ADK: variants seen among roughly 807,000 people sequenced by gnomAD.
ADK encodes the protein N6,N6-dimethyladenosine kinase.
Under a neutral mutation model 44.7 loss-of-function variants are expected in ADK, and 24 were observed. That is an observed-to-expected ratio of 0.54 (90% CI 0.39 to 0.76). The LOEUF is 0.76. Among genes scored for constraint, ADK ranks in the 30% least tolerant of loss-of-function variants. The probability of loss-of-function intolerance (pLI) is 0.00; values close to 1 mark genes in which losing one functional copy is unlikely to be tolerated. For synonymous variants in ADK, 128 were observed against 142.6 expected (o/e 0.90, Z 0.73); for missense variants, 321 against 425.1 (o/e 0.76, Z 2.15).
intron 4 of ADK, among the ~76,000 whole-genome samples, chr10:74,355,056 C>T (rs559275169): frequency 6.6e-6 from 1 of 152,150 alleles, no homozygotes; most frequent in Non-Finnish European, 1.5e-5. Context: ...AAGACAGGGT[C>T]TTGCTCTGTC....
chr10:74,484,503 T>C (rs1451166951), intron 6 of ADK, among the ~76,000 whole-genome samples: 1 of 152,308 alleles, frequency 6.6e-6, no homozygotes, highest in East Asian at 1.9e-4. Context: ...TAAACTGAAA[T>C]TTTTAATATT....
At chr10:74,482,698 G>C (rs572589779) in intron 6 of ADK, among the ~76,000 whole-genome samples, 1 of 152,170 alleles carries the variant, frequency 6.6e-6, no homozygotes, top group Non-Finnish European at 1.5e-5. Context: ...GTAAATCCCT[G>C]TTCCAAAAGG....
chr10:74,636,204 TAAG>T (rs1853617409), intron 9 of ADK, among the ~76,000 whole-genome samples: 1 of 152,150 alleles, frequency 6.6e-6, no homozygotes, highest in Admixed American at 6.5e-5. Context: ...CCAGAAAATG[TAAG>T]TATTCCTGTG....
chr10:74,372,228 C>T (rs1309080308), intron 4 of ADK: 2 of 761,074 alleles, frequency 2.6e-6, no homozygotes, highest in African/African-American at 1.7e-5. Context: ...ATGGACTGCT[C>T]CAGCTCCTGA....
At chr10:74,461,177 C>T (rs1186539563) in intron 6 of ADK, among the ~76,000 whole-genome samples, 1 of 151,920 alleles carries the variant, frequency 6.6e-6, no homozygotes, top group Non-Finnish European at 1.5e-5. Context: ...CCATTTAAGT[C>T]CCTAACTTGT....
chr10:74,363,387 G>T (rs1353775080), intron 4 of ADK, among the ~76,000 whole-genome samples: 2 of 152,158 alleles, frequency 1.3e-5, no homozygotes, highest in Admixed American at 6.5e-5. Context: ...TTCCCCAACT[G>T]CAGTGAGACG....
Position 74,525,371 on chromosome 10 carries a change from A to AG in ADK, c.673dup (p.Glu225GlyfsTer11). ...GCACCGTTTATTAGCCAGTTCTACAAGGAATCATTGATGAAAGTTATGCCT... is the reference window on the plus strand; with the variant it reads ...GCACCGTTTATTAGCCAGTTCTACAAGGGAATCATTGATGAAAGTTATGCCT... On this transcript the variant is annotated frameshift_variant, in exon 7 of 11. Coordinates refer to ENST00000539909, the MANE Select transcript of ADK (RefSeq NM_006721.4). LOFTEE classifies it high-confidence loss of function. 6.2e-7 allele frequency: 1 copy of AG among 1,613,724 alleles called. No individual in the cohort carries two copies. Among genetic ancestry groups the AG allele is most frequent in the Non-Finnish European group, 8.5e-7 (1 of 1,179,830 alleles).
chr10:74,291,419 AAACAACAAC>A (rs1245288806), intron 3 of ADK, among the ~76,000 whole-genome samples: 1 of 151,962 alleles, frequency 6.6e-6, no homozygotes, highest in African/African-American at 2.4e-5. Flanking sequence ...TCCGTCTCAA[AAACAACAAC>A]AACAACAACA....
chr10:74,235,127 CCT>C (rs1491534277), intron 3 of ADK, among the ~76,000 whole-genome samples: 2,616 of 111,666 alleles, frequency 0.023, 81 homozygotes, highest in African/African-American at 0.077. Flanking sequence ...TGAAATTATC[CCT>C]TTTTTTTTTT....
intron 10 of ADK, among the ~76,000 whole-genome samples, chr10:74,677,756 ATCT>A (rs973170556): frequency 6.0e-4 from 92 of 152,180 alleles, no homozygotes; most frequent in African/African-American, 2.1e-3. Flanking sequence ...CTAATGGGAC[ATCT>A]TCTCTGTTTT....
chr10:74,611,310 C>T (rs10824212), intron 9 of ADK, among the ~76,000 whole-genome samples: 25,334 of 152,040 alleles, frequency 0.17, 2,486 homozygotes, highest in African/African-American at 0.27. Context: ...GCTAGGATTA[C>T]GGGTGTGAGC....
In ADK at chr10:74,197,699, AAAAAAAAAAAAG is replaced by A. The variant is rs1389326477; in HGVS notation, c.66-3050_66-3039del. ...GGTGACAGAGAGAGACTCCGTCTAA[AAAAAAAAAAAAG>A]AAAAAAAAAAAGAACTGAGACTCAG... is the stretch of plus-strand genomic sequence containing the variant. On this transcript the variant is annotated intron_variant, in intron 1 of 10. Transcript: ENST00000539909. 9.9e-3 allele frequency among the ~76,000 whole-genome samples: 998 copies of A among 100,668 alleles called. 10 individuals carry two copies. The highest frequency in any genetic ancestry group is 0.027 in the African/African-American group (894 of 32,576). The allele number at this position is 100,668 out of a possible 152,430, so 66.0% of individuals were successfully genotyped here.
At chr10:74,501,610 C>G (rs775625595) in intron 6 of ADK, among the ~76,000 whole-genome samples, 4 of 151,940 alleles carry the variant, frequency 2.6e-5, no homozygotes, top group Non-Finnish European at 4.4e-5. Context: ...GGAAACAACC[C>G]AAATGTCCAC....
At chr10:74,594,641 A>T (rs1180111178) in intron 8 of ADK, among the ~76,000 whole-genome samples, 1 of 151,056 alleles carries the variant, frequency 6.6e-6, no homozygotes, top group Non-Finnish European at 1.5e-5. Context: ...TCTGAAAGAG[A>T]TGTATCTTCA....
chr10:74,661,885 CT>C (rs1854745051), intron 9 of ADK, among the ~76,000 whole-genome samples: 1 of 152,168 alleles, frequency 6.6e-6, no homozygotes, highest in African/African-American at 2.4e-5. Flanking sequence ...AGATTCTAAG[CT>C]CCTTGAGAAG....
intron 7 of ADK, among the ~76,000 whole-genome samples, chr10:74,561,834 C>T (rs1850475259): frequency 6.6e-6 from 1 of 152,170 alleles, no homozygotes; most frequent in Non-Finnish European, 1.5e-5. Context: ...TGTTTAGAGT[C>T]CCTCAGCTCA....
chr10:74,170,176 T>C (rs910647735), intron 1 of ADK, among the ~76,000 whole-genome samples: 1 of 152,130 alleles, frequency 6.6e-6, no homozygotes, highest in African/African-American at 2.4e-5. Context: ...GGGAAAACAT[T>C]CCACATTCAT....
chr10:74,177,972 G>A (rs540960303), intron 1 of ADK, among the ~76,000 whole-genome samples: 134 of 128,304 alleles, frequency 1.0e-3, no homozygotes, highest in African/African-American at 3.6e-3. Context: ...ACAGAGTTTC[G>A]CTCTTGTTGC....
At chr10:74,544,491 A>C (rs1384736826) in intron 7 of ADK, among the ~76,000 whole-genome samples, 1 of 152,216 alleles carries the variant, frequency 6.6e-6, no homozygotes, top group Admixed American at 6.5e-5. Flanking sequence ...ATTTATAGAA[A>C]CTTGATAAAT....
Sources: gnomAD v4.1 joint callset for allele counts (sites outside exome capture counted in the v4.1 genomes callset) on GRCh38, gnomAD v4.1.1 for gene constraint, MANE v1.5 for transcripts, NCBI Gene and HGNC (gene_info 2026-07-23, HGNC 2026-07-21) for gene names.